TMEM17: variants seen among roughly 807,000 people sequenced by gnomAD.
TMEM17 encodes the protein transmembrane protein 17.
A neutral mutation model predicts 19.1 loss-of-function variants in TMEM17; 15 were observed. The ratio of observed to expected loss-of-function variants is 0.78; its 90% CI spans 0.52 to 1.21. The LOEUF (loss-of-function observed/expected upper bound fraction) is 1.21, where lower values mean the gene tolerates loss of function less well. Ranked by LOEUF, TMEM17 falls within the 50% of genes most tolerant of loss-of-function variation. The probability of loss-of-function intolerance (pLI) is 0.00; values close to 1 mark genes in which losing one functional copy is unlikely to be tolerated. For synonymous variants in TMEM17, 103 were observed against 86.9 expected (o/e 1.19, Z -1.03); for missense variants, 245 against 242.3 (o/e 1.01, Z -0.07).
the TMEM17 span, among the ~76,000 whole-genome samples, chr2:62,494,190 T>C: frequency 6.6e-6 from 1 of 152,250 alleles, no homozygotes; most frequent in Admixed American, 6.5e-5. Flanking sequence ...TGTAGCTAAT[T>C]AAATTGTTGA....
the TMEM17 span, among the ~76,000 whole-genome samples, chr2:62,492,801 G>A: frequency 2.0e-5 from 3 of 152,180 alleles, no homozygotes; most frequent in Non-Finnish European, 4.4e-5. Context: ...AGTTGAGCCA[G>A]GCATTAAAAA....
At chr2:62,477,254 T>G in the TMEM17 span, among the ~76,000 whole-genome samples, 2 of 152,010 alleles carry the variant, frequency 1.3e-5, no homozygotes, top group Non-Finnish European at 2.9e-5. Context: ...AAAATTAGCC[T>G]GGCGTAGTGG....
At chr2:62,497,698 G>A (rs1370892431), downstream of TMEM17, among the ~76,000 whole-genome samples, 1 of 152,218 alleles carries the variant, frequency 6.6e-6, no homozygotes. Context: ...GCATAGGCAA[G>A]TGGGATTGAG....
At chr2:62,484,614 T>A in the TMEM17 span, among the ~76,000 whole-genome samples, 1 of 152,206 alleles carries the variant, frequency 6.6e-6, no homozygotes, top group East Asian at 1.9e-4. Context: ...GTTTCTAGCC[T>A]CCCAAGGATT....
chr2:62,493,508 T>C, the TMEM17 span, among the ~76,000 whole-genome samples: 2 of 152,184 alleles, frequency 1.3e-5, no homozygotes, highest in Non-Finnish European at 2.9e-5. Flanking sequence ...TTTCTATTAA[T>C]ATGTGCTTAT....
chr2:62,487,892 A>G, the TMEM17 span, among the ~76,000 whole-genome samples: 2 of 152,156 alleles, frequency 1.3e-5, no homozygotes, highest in Non-Finnish European at 2.9e-5. Flanking sequence ...CGGAGGTTTC[A>G]CCATGTTGGC....
the TMEM17 span, among the ~76,000 whole-genome samples, chr2:62,480,384 G>A: frequency 2.6e-5 from 4 of 152,036 alleles, no homozygotes; most frequent in East Asian, 1.9e-4. Flanking sequence ...TCAGTCTGTC[G>A]TTTTCTTTGC....
chr2:62,460,420 C>T, the TMEM17 span, among the ~76,000 whole-genome samples: 2 of 152,158 alleles, frequency 1.3e-5, no homozygotes, highest in South Asian at 2.1e-4. Context: ...CTTTCTGCCA[C>T]GGTGCTCCCA....
chr2:62,493,962 T>A, the TMEM17 span, among the ~76,000 whole-genome samples: 1 of 152,316 alleles, frequency 6.6e-6, no homozygotes. Flanking sequence ...TGTCTATATC[T>A]TTACCCATGC....
At chr2:62,481,380 T>A in the TMEM17 span, among the ~76,000 whole-genome samples, 1 of 152,222 alleles carries the variant, frequency 6.6e-6, no homozygotes, top group South Asian at 2.1e-4. Context: ...TCACGTTGTC[T>A]GCAACTGACT....
the TMEM17 span, among the ~76,000 whole-genome samples, chr2:62,461,964 G>A: frequency 1.5e-4 from 23 of 152,290 alleles, no homozygotes; most frequent in Admixed American, 8.5e-4. Context: ...CTGGGCATTC[G>A]GCCCTGGCAG....
chr2:62,470,900 C>A, the TMEM17 span, among the ~76,000 whole-genome samples: 1 of 152,182 alleles, frequency 6.6e-6, no homozygotes, highest in East Asian at 1.9e-4. Flanking sequence ...TTACTTGAGC[C>A]TGTCTTGAGA....
At chr2:62,466,353 C>T in the TMEM17 span, among the ~76,000 whole-genome samples, 2 of 152,158 alleles carry the variant, frequency 1.3e-5, no homozygotes, top group Non-Finnish European at 2.9e-5. Context: ...CAAGCTCAGC[C>T]TGCTTCCTGC....
At chr2:62,494,676 C>A in the TMEM17 span, among the ~76,000 whole-genome samples, 1 of 152,048 alleles carries the variant, frequency 6.6e-6, no homozygotes, top group Non-Finnish European at 1.5e-5. Context: ...AAATTAAAGA[C>A]AAAGTCATTC....
At chr2:62,486,454 T>C in the TMEM17 span, among the ~76,000 whole-genome samples, 19 of 152,248 alleles carry the variant, frequency 1.2e-4, no homozygotes, top group Non-Finnish European at 2.2e-4. Flanking sequence ...TCTGATGAGA[T>C]GTATGTGAAG....
At chr2:62,458,855 A>G in the TMEM17 span, among the ~76,000 whole-genome samples, 1 of 152,142 alleles carries the variant, frequency 6.6e-6, no homozygotes, top group Non-Finnish European at 1.5e-5. Flanking sequence ...TCTCTAATCA[A>G]AAGAGTCCCT....
the TMEM17 span, among the ~76,000 whole-genome samples, chr2:62,466,590 G>T: frequency 6.6e-5 from 10 of 152,294 alleles, no homozygotes; most frequent in African/African-American, 2.2e-4. Context: ...GAACTTTCTG[G>T]ATGTGCAGAT....
the TMEM17 span, among the ~76,000 whole-genome samples, chr2:62,465,841 G>C: frequency 6.6e-6 from 1 of 152,190 alleles, no homozygotes; most frequent in Non-Finnish European, 1.5e-5. Flanking sequence ...GATGTGGAAA[G>C]GTACCCAGTA....
downstream of TMEM17, among the ~76,000 whole-genome samples, chr2:62,497,753 T>C (rs1057508709): frequency 5.9e-5 from 9 of 152,188 alleles, no homozygotes; most frequent in Non-Finnish European, 8.8e-5. Context: ...CCTCAGACAA[T>C]GTGGAGCACA....
Sources: gnomAD v4.1 joint callset for allele counts (sites outside exome capture counted in the v4.1 genomes callset) on GRCh38, gnomAD v4.1.1 for gene constraint, MANE v1.5 for transcripts, NCBI Gene and HGNC (gene_info 2026-07-23, HGNC 2026-07-21) for gene names.